The following APP variants were observed in gnomAD, a reference collection of about 807,000 sequenced individuals.
APP encodes the protein amyloid-beta precursor protein.
APP carries 31 observed loss-of-function variants against 101.4 expected under a neutral mutation model. The ratio of observed to expected loss-of-function variants is 0.31; its 90% CI spans 0.23 to 0.41. APP has a LOEUF of 0.41. APP is among the 10% of genes least tolerant of loss of function. APP has a pLI of 1.00. For missense variants in APP, 839 were observed against 1,003.7 expected, an observed-to-expected ratio of 0.84 and a Z score of 2.22; for synonymous variants, 366 against 364.4, an observed-to-expected ratio of 1.00 and a Z score of -0.05.
chr21:25,890,722 C>CAAAG (rs1555888817), intron 17 of APP, among the ~76,000 whole-genome samples: 1 of 114,730 alleles, frequency 8.7e-6, no homozygotes, highest in Non-Finnish European at 1.7e-5. Flanking sequence ...GAGACTGTCT[C>CAAAG]AAAAAAAAAA....
rs45542531 is a variant in APP, at chr21:26,089,208, T to C, written c.355+735A>G. Among the ~76,000 whole-genome samples the C allele has an allele frequency of 4.6e-3, 696 of 152,330 alleles. 5 individuals are homozygous for C. Among genetic ancestry groups the C allele is most frequent in the Non-Finnish European group, 7.6e-3 (520 of 68,022 alleles). ...GATGTAAGATACCAGAGCAAAGAAC[T>C]TGACTTCTGCAATGACTGGTCACAT... On this transcript the variant is annotated intron_variant, in intron 3 of 17. Coordinates refer to ENST00000346798, the MANE Select transcript of APP (RefSeq NM_000484.4).
chr21:25,970,894 T>C (rs1185751388), intron 11 of APP, among the ~76,000 whole-genome samples: 2 of 152,012 alleles, frequency 1.3e-5, no homozygotes, highest in African/African-American at 4.8e-5. Flanking sequence ...GAAAGAAAAA[T>C]CAAAATGGTG....
intron 3 of APP, among the ~76,000 whole-genome samples, chr21:26,085,278 G>C (rs1240760934): frequency 1.3e-5 from 2 of 152,122 alleles, no homozygotes; most frequent in Non-Finnish European, 2.9e-5. Flanking sequence ...CAGCAATTCT[G>C]GTCATTCCTT....
chr21:26,112,272 T>G, intron 1 of APP, 126 bp from the exon 2 acceptor site: 1 of 925,556 alleles, frequency 1.1e-6, no homozygotes, highest in Non-Finnish European at 1.7e-6. Context: ...ATCAGCCCGG[T>G]CTTCAACACT....
At chr21:25,897,826 T>C in intron 15 of APP, 153 bp from the exon 16 acceptor site, 4 of 661,538 alleles carry the variant, frequency 6.0e-6, no homozygotes, top group South Asian at 1.7e-5. Flanking sequence ...TGATACCCTA[T>C]ATTTAAAACT....
intron 6 of APP, among the ~76,000 whole-genome samples, chr21:26,015,212 T>C (rs770961516): frequency 1.3e-5 from 2 of 151,982 alleles, no homozygotes; most frequent in Non-Finnish European, 2.9e-5. Context: ...TCCTCATTAG[T>C]AGTAAACATT....
Position 26,112,127 on chromosome 21 carries a change from G to C in APP, c.77C>G (p.Ala26Gly), listed in dbSNP as rs763852444. ...RALEVPTDGN[A>G]GLLAEPQIAM... ...AATCTGGGGTTCAGCCAGCAGGCCA[G>C]CATTACCATCAGTGGGTACCTGAAA... is the stretch of plus-strand genomic sequence containing the variant. Residue 26 changes from alanine (A) to glycine (G), a missense_variant, in exon 2 of 18, where the codon GCT becomes GGT. By Grantham distance (60) the Ala-to-Gly change is moderately conservative. Coordinates refer to ENST00000346798, the MANE Select transcript of APP (RefSeq NM_000484.4). The C allele has an allele frequency of 6.2e-7, 1 of 1,614,068 alleles. No homozygotes were observed. The highest frequency in any genetic ancestry group is 1.1e-5 in the South Asian group (1 of 91,078).
intron 6 of APP, among the ~76,000 whole-genome samples, chr21:26,010,213 CAAA>C (rs74265002): frequency 2.5e-5 from 2 of 80,162 alleles, no homozygotes; most frequent in Non-Finnish European, 2.8e-5. Flanking sequence ...TCCTTTTGAA[CAAA>C]AAAAAAAAAA....
At chr21:26,136,560 T>C (rs887271846) in intron 1 of APP, among the ~76,000 whole-genome samples, 3 of 152,216 alleles carry the variant, frequency 2.0e-5, no homozygotes, top group Admixed American at 1.3e-4. Context: ...ACCATGCCCA[T>C]TTGATTTATA....
intron 17 of APP, among the ~76,000 whole-genome samples, chr21:25,887,725 C>T (rs895855317): frequency 6.6e-6 from 1 of 152,104 alleles, no homozygotes; most frequent in Admixed American, 6.6e-5. Flanking sequence ...CAGTGTGTTA[C>T]AACTGTCTAT....
At chr21:25,912,318 T>C (rs2039118793) in intron 13 of APP, among the ~76,000 whole-genome samples, 3 of 152,150 alleles carry the variant, frequency 2.0e-5, no homozygotes, top group Admixed American at 6.5e-5. Flanking sequence ...TAGTATACAA[T>C]GATCGCACAG....
rs374799888 is a variant in APP, at chr21:25,911,837, C to G, written c.1813G>C (p.Glu605Gln). 2.5e-6 allele frequency: 4 copies of G among 1,614,062 alleles called. No homozygotes were observed. Among genetic ancestry groups the G allele is most frequent in the Non-Finnish European group, 2.5e-6 (3 of 1,180,032 alleles). The change falls in exon 14 of 18, where the codon GAG becomes CAG. Residue 605 changes from glutamate to glutamine, a missense_variant. Coordinates refer to ENST00000346798, the MANE Select transcript of APP (RefSeq NM_000484.4). ...AACTCTCCATTCACGGGAAGGAGCT[C>G]CACGGTGGTTTTCGTTTCGGTCAAA... ...PSLTETKTTV[E>Q]LLPVNGEFSL... is the part of the protein sequence containing the mutation.
At position 25,969,905 on chromosome 21, in the gene APP, A is replaced by AGAGGGGAGGGGAGGGTAAGGGAGGG. The variant is rs796868333; in HGVS notation, c.1458+5164_1458+5165insCCCTCCCTTACCCTCCCCTCCCCTC. Reference sequence around the variant, plus strand: ...AGAAAAGAGAAGATTAGAGAAGAGAAGAGGGGAGGGGAAGAGAAAAGGAAA... The same window carrying AGAGGGGAGGGGAGGGTAAGGGAGGG: ...AGAAAAGAGAAGATTAGAGAAGAGAAGAGGGGAGGGGAGGGTAAGGGAGGGGAGGGGAGGGGAAGAGAAAAGGAAA... On this transcript the variant is annotated intron_variant, in intron 11 of 17. Coordinates refer to ENST00000346798, the MANE Select transcript of APP (RefSeq NM_000484.4). 1.8e-4 allele frequency among the ~76,000 whole-genome samples: 14 copies of AGAGGGGAGGGGAGGGTAAGGGAGGG among 79,358 alleles called. 1 individual carries two copies. The highest frequency in any genetic ancestry group is 5.5e-4 in the Admixed American group (4 of 7,220). The allele number at this position is 79,358 out of a possible 152,430, so 52.1% of individuals were successfully genotyped here.
At chr21:25,970,346 C>T (rs974205434) in intron 11 of APP, among the ~76,000 whole-genome samples, 6 of 152,138 alleles carry the variant, frequency 3.9e-5, no homozygotes, top group Non-Finnish European at 7.4e-5. Context: ...CCATTCAGCC[C>T]TCAGCTTATT....
chr21:25,969,849 G>A (rs975537193), intron 11 of APP, among the ~76,000 whole-genome samples: 1 of 49,868 alleles, frequency 2.0e-5, no homozygotes. Flanking sequence ...GAAAAGAAAA[G>A]AAAACAAAAG....
intron 11 of APP, among the ~76,000 whole-genome samples, chr21:25,970,914 G>A (rs912810633): frequency 2.2e-4 from 34 of 152,108 alleles, no homozygotes; most frequent in African/African-American, 7.7e-4. Context: ...GAGGAAAATC[G>A]GTGCAAATGG....
intron 13 of APP, among the ~76,000 whole-genome samples, chr21:25,918,131 G>A (rs1297541174): frequency 2.6e-5 from 4 of 152,154 alleles, no homozygotes; most frequent in Non-Finnish European, 4.4e-5. Context: ...GATTCTGCAA[G>A]GATATAGAAC....
intron 1 of APP, among the ~76,000 whole-genome samples, chr21:26,152,837 G>A (rs373819164): frequency 6.6e-5 from 10 of 152,150 alleles, no homozygotes; most frequent in African/African-American, 2.4e-4. Context: ...AAAGACACTT[G>A]TACACATATG....
At chr21:25,951,992 G>C (rs1195683949) in intron 13 of APP, among the ~76,000 whole-genome samples, 1 of 152,148 alleles carries the variant, frequency 6.6e-6, no homozygotes, top group Non-Finnish European at 1.5e-5. Flanking sequence ...AGCTCAGATA[G>C]TGTACAGGGT....
Sources: allele counts gnomAD v4.1 joint callset (sites outside exome capture counted in the v4.1 genomes callset), GRCh38; gene constraint gnomAD v4.1.1; transcripts MANE v1.5; gene names NCBI Gene and HGNC (gene_info 2026-07-23, HGNC 2026-07-21).